The following SMC5 variants were observed in gnomAD, a reference collection of about 807,000 sequenced individuals.
SMC5 encodes structural maintenance of chromosomes protein 5.
A neutral mutation model predicts 148.3 loss-of-function variants in SMC5; 88 were observed. The observed-to-expected ratio is 0.59, with a 90% confidence interval of 0.50 to 0.71. SMC5 has a LOEUF of 0.71. Ranked by LOEUF, SMC5 falls within the 30% of genes least tolerant of loss-of-function variation. The probability of loss-of-function intolerance (pLI) is 0.00; values close to 1 mark genes in which losing one functional copy is unlikely to be tolerated. For missense variants in SMC5, 1,142 were observed against 1,298.9 expected, an observed-to-expected ratio of 0.88 and a Z score of 1.86; for synonymous variants, 421 against 432.8, an observed-to-expected ratio of 0.97 and a Z score of 0.34.
At chr9:70,339,589 G>C (rs974161430) in intron 17 of SMC5, among the ~76,000 whole-genome samples, 1 of 152,166 alleles carries the variant, frequency 6.6e-6, no homozygotes, top group Non-Finnish European at 1.5e-5. Flanking sequence ...CTGCTATGCA[G>C]CTTCACTTGA....
chr9:70,274,172 C>T (rs1035319218), intron 3 of SMC5, among the ~76,000 whole-genome samples: 4 of 152,228 alleles, frequency 2.6e-5, no homozygotes, highest in African/African-American at 9.6e-5. Flanking sequence ...GGCTCCGCCT[C>T]CCGGGTTCAC....
intron 17 of SMC5, among the ~76,000 whole-genome samples, chr9:70,336,082 C>T (rs2036348389): frequency 6.6e-6 from 1 of 152,134 alleles, no homozygotes; most frequent in Admixed American, 6.6e-5. Flanking sequence ...GTCTGTCACT[C>T]TCCGGCAGGG....
At chr9:70,331,292 G>A (rs963085964) in intron 17 of SMC5, among the ~76,000 whole-genome samples, 3 of 152,050 alleles carry the variant, frequency 2.0e-5, no homozygotes, top group Admixed American at 6.6e-5. Context: ...ATACTTTCAA[G>A]GAAAAGTGGA....
intron 17 of SMC5, among the ~76,000 whole-genome samples, chr9:70,324,577 G>A (rs2036030152): frequency 6.6e-6 from 1 of 152,022 alleles, no homozygotes. Context: ...GTATCCATGT[G>A]GGCATACTGC....
intron 8 of SMC5, among the ~76,000 whole-genome samples, chr9:70,295,791 G>A (rs971790756): frequency 2.0e-5 from 3 of 152,158 alleles, no homozygotes; most frequent in East Asian, 3.9e-4. Context: ...GTGATTTTCA[G>A]TAGTTTGGTG....
intron 8 of SMC5, among the ~76,000 whole-genome samples, chr9:70,290,002 A>G (rs549176118): frequency 3.0e-4 from 45 of 152,264 alleles, no homozygotes; most frequent in Admixed American, 9.8e-4. Context: ...CTCAAAGGAA[A>G]TGCACTTTAG....
rs2035773618 is a variant in SMC5, at chr9:70,315,443, C to T, written c.1674-3C>T. The T allele has an allele frequency of 1.3e-6, 2 of 1,554,144 alleles. No individual in the cohort carries two copies. Among genetic ancestry groups the T allele is most frequent in the Admixed American group, 1.8e-5 (1 of 55,040 alleles). ...AAAATCTAATCAATACTTTTCCTTT[C>T]AGACAATACGGATTTTTCTCTTATT... On this transcript the variant is annotated splice_region_variant and splice_polypyrimidine_tract_variant and intron_variant, in intron 12 of 24. Coordinates refer to ENST00000361138, the MANE Select transcript of SMC5 (RefSeq NM_015110.4).
intron 7 of SMC5, 51 bp downstream of exon 7, chr9:70,282,634 T>G (rs749525035): frequency 1.3e-6 from 2 of 1,495,642 alleles, no homozygotes; most frequent in Non-Finnish European, 1.8e-6. Context: ...TTAGCAAATA[T>G]AAAAAATATT....
At chr9:70,298,333 T>TGAG in intron 9 of SMC5, 112 bp downstream of exon 9, 1 of 1,193,206 alleles carries the variant, frequency 8.4e-7, no homozygotes, top group Non-Finnish European at 1.1e-6. Flanking sequence ...GTTGCCTTCT[T>TGAG]GAGGAAGCTC....
chr9:70,342,116 A>G (rs144788328), intron 17 of SMC5, among the ~76,000 whole-genome samples: 10,381 of 151,474 alleles, frequency 0.069, 553 homozygotes, highest in East Asian at 0.22. Context: ...GGAAATCATC[A>G]TTCTCAGTAA....
rs1434879478 is a variant in SMC5 at position 70,278,415 on chromosome 9, AAG to A, written c.544-75_544-74del. 14 of 1,396,474 alleles carry A rather than the reference AAG, an allele frequency of 1.0e-5. No individual in the cohort carries two copies. In the African/African-American group the frequency reaches 1.9e-4, roughly 19 times the overall value. 86.5% of individuals were successfully genotyped at this position (1,396,474 alleles called of 1,614,324 possible). On this transcript the variant is annotated intron_variant, in intron 4 of 24. Transcript: ENST00000361138. ...TAATGAGTTTCACCTTGACAAGTGT[AAG>A]CATTGAGTGAAATACATTTTGAAGA...
chr9:70,343,530 C>T (rs2036577359), intron 17 of SMC5, among the ~76,000 whole-genome samples: 1 of 152,072 alleles, frequency 6.6e-6, no homozygotes, highest in Non-Finnish European at 1.5e-5. Flanking sequence ...AATATAATTA[C>T]ATGACCGGGC....
At chr9:70,293,374 G>T (rs1157308393) in intron 8 of SMC5, among the ~76,000 whole-genome samples, 1 of 144,778 alleles carries the variant, frequency 6.9e-6, no homozygotes, top group African/African-American at 2.6e-5. Context: ...TCTTGCCAAA[G>T]ATTTTCTAAT....
chr9:70,316,755 T>C (rs984856336), intron 13 of SMC5, among the ~76,000 whole-genome samples: 2 of 152,094 alleles, frequency 1.3e-5, no homozygotes, highest in Non-Finnish European at 2.9e-5. Context: ...TTTGGAAATT[T>C]CTTTTTTGAA....
In SMC5 at chr9:70,353,464, A is replaced by C. The variant is rs765595236; in HGVS notation, c.*1133A>C. The stretch of plus-strand genomic sequence containing the variant: ...TCTTCTTTTAAAAAATAAATCTTAT[A>C]GGAAAATAGACAGTCCAAAGTCATG... On this transcript the variant is annotated 3_prime_UTR_variant, in exon 25 of 25. Transcript: ENST00000361138. 23 of 152,214 alleles carry C rather than the reference A, an allele frequency of 1.5e-4. No individual in the cohort carries two copies. Among genetic ancestry groups the C allele is most frequent in the Non-Finnish European group, 2.9e-4 (20 of 68,016 alleles). The allele number at this position is 152,214 out of a possible 1,614,324, so 9.4% of individuals were successfully genotyped here.
chr9:70,309,255 C>T (rs1352724796), intron 11 of SMC5, among the ~76,000 whole-genome samples: 1 of 143,936 alleles, frequency 6.9e-6, no homozygotes, highest in African/African-American at 2.5e-5. Context: ...CTTCCTTTCA[C>T]AAAAGATTTC....
At chr9:70,308,375 G>T (rs1564049399) in intron 11 of SMC5, among the ~76,000 whole-genome samples, 1 of 151,640 alleles carries the variant, frequency 6.6e-6, no homozygotes, top group African/African-American at 2.4e-5. Context: ...GGAGGCTGAG[G>T]GGGGCGGATC....
At chr9:70,301,029 A>G (rs2035344605) in intron 10 of SMC5, among the ~76,000 whole-genome samples, 2 of 152,152 alleles carry the variant, frequency 1.3e-5, no homozygotes, top group Middle Eastern at 3.4e-3. Context: ...ATTTTTTACC[A>G]TATCTTAAAT....
chr9:70,280,618 G>T, intron 5 of SMC5, 141 bp from the exon 6 acceptor site: 1 of 704,330 alleles, frequency 1.4e-6, no homozygotes, highest in Non-Finnish European at 2.3e-6. Flanking sequence ...TGTTGCCTAG[G>T]CTGGAGTCTA....
Sources: gnomAD v4.1 joint callset for allele counts (sites outside exome capture counted in the v4.1 genomes callset) on GRCh38, gnomAD v4.1.1 for gene constraint, MANE v1.5 for transcripts, NCBI Gene and HGNC (gene_info 2026-07-23, HGNC 2026-07-21) for gene names.